The following CAPRIN1 variants were observed in gnomAD, a reference collection of about 807,000 sequenced individuals.
CAPRIN1 encodes the protein caprin-1.
In CAPRIN1, 29 loss-of-function variants were observed where a neutral mutation model predicts 100.9. That is an observed-to-expected ratio of 0.29 (90% CI 0.21 to 0.39). The LOEUF (loss-of-function observed/expected upper bound fraction) is 0.39, where lower values mean the gene tolerates loss of function less well. CAPRIN1 is among the 10% of genes least tolerant of loss of function. The probability of loss-of-function intolerance (pLI) is 1.00; values close to 1 mark genes in which losing one functional copy is unlikely to be tolerated. For missense variants in CAPRIN1, 795 were observed against 876.7 expected, an observed-to-expected ratio of 0.91 and a Z score of 1.18; for synonymous variants, 338 against 307.5, an observed-to-expected ratio of 1.10 and a Z score of -1.04.
chr11:34,057,807 C>G (rs1362097377), intron 2 of CAPRIN1, among the ~76,000 whole-genome samples: 1 of 152,132 alleles, frequency 6.6e-6, no homozygotes, highest in Non-Finnish European at 1.5e-5. Flanking sequence ...CAACCTCCCC[C>G]TCCCAGGTTC....
At chr11:34,075,754 T>C (rs905563609) in intron 4 of CAPRIN1, among the ~76,000 whole-genome samples, 2 of 152,228 alleles carry the variant, frequency 1.3e-5, no homozygotes, top group African/African-American at 4.8e-5. Flanking sequence ...TTAATTGGCC[T>C]AGGCCTTTAC....
intron 2 of CAPRIN1, chr11:34,052,996 T>G (rs953234363): frequency 8.2e-5 from 86 of 1,054,302 alleles, no homozygotes; most frequent in Admixed American, 2.3e-4. Context: ...TGAGGCCCGA[T>G]TTCTCTGACG....
intron 6 of CAPRIN1, among the ~76,000 whole-genome samples, chr11:34,076,962 T>G (rs1488211737): frequency 6.6e-6 from 1 of 152,180 alleles, no homozygotes; most frequent in African/African-American, 2.4e-5. Flanking sequence ...CTCGAACTCC[T>G]TACCACAAAT....
At chr11:34,085,651 A>G (rs1374877914) in intron 9 of CAPRIN1, among the ~76,000 whole-genome samples, 4 of 152,062 alleles carry the variant, frequency 2.6e-5, no homozygotes, top group Non-Finnish European at 5.9e-5. Context: ...TAAAAATACA[A>G]AAATTAGCCG....
chr11:34,054,306 A>G (rs1850402613), intron 2 of CAPRIN1, among the ~76,000 whole-genome samples: 3 of 152,228 alleles, frequency 2.0e-5, no homozygotes. Context: ...ACATCAAGAA[A>G]GTAACAAAAG....
intron 9 of CAPRIN1, among the ~76,000 whole-genome samples, chr11:34,084,199 C>T (rs1344795602): frequency 1.3e-5 from 2 of 151,984 alleles, no homozygotes; most frequent in Non-Finnish European, 2.9e-5. Context: ...AGTGATCTGC[C>T]CGTTTCAGCC....
intron 1 of CAPRIN1, chr11:34,052,099 T>C (rs937007741): frequency 1.3e-5 from 2 of 150,514 alleles, no homozygotes; most frequent in African/African-American, 4.9e-5. Flanking sequence ...ACCGTTGCAG[T>C]GGCCGTTGGC....
intron 2 of CAPRIN1, 59 bp downstream of exon 2, chr11:34,052,695 G>A: frequency 1.3e-6 from 2 of 1,513,378 alleles, no homozygotes; most frequent in Non-Finnish European, 1.8e-6. Flanking sequence ...CGGCCCCTCC[G>A]ACCCTGGTCG....
intron 5 of CAPRIN1, 32 bp downstream of exon 5, chr11:34,076,506 G>C: frequency 1.9e-6 from 3 of 1,606,840 alleles, no homozygotes; most frequent in Admixed American, 1.7e-5. Flanking sequence ...AGAAACTTCT[G>C]AGTATTTAAG....
intron 2 of CAPRIN1, among the ~76,000 whole-genome samples, chr11:34,063,844 A>G (rs1850630477): frequency 6.6e-6 from 1 of 152,144 alleles, no homozygotes; most frequent in Admixed American, 6.5e-5. Context: ...CTTGTTGCCC[A>G]GGCTGGAGTG....
chr11:34,061,924 C>G (rs1004878273), intron 2 of CAPRIN1, among the ~76,000 whole-genome samples: 1 of 148,616 alleles, frequency 6.7e-6, no homozygotes, highest in Non-Finnish European at 1.5e-5. Flanking sequence ...GAGCCAAGAT[C>G]GCACCACTAC....
At chr11:34,058,293 C>T (rs542101542) in intron 2 of CAPRIN1, among the ~76,000 whole-genome samples, 3 of 152,178 alleles carry the variant, frequency 2.0e-5, no homozygotes, top group East Asian at 3.9e-4. Context: ...CATGCCACCA[C>T]GCCCAGCTAA....
At chr11:34,092,078 C>T (rs1294708794) in intron 15 of CAPRIN1, 22 bp downstream of exon 15, 4 of 1,609,578 alleles carry the variant, frequency 2.5e-6, no homozygotes, top group Non-Finnish European at 3.4e-6. Context: ...AGTGTCACCT[C>T]ATTGGCTCCT....
rs7104352 is a variant in CAPRIN1 at position 34,053,113 on chromosome 11, G to A, written c.216+477G>A. ...TGCAGCCTTGGGGTCTGTCCGCTCGGTTACCATGCACTCGAGACCTGTCGA... is the reference window on the plus strand; with the variant it reads ...TGCAGCCTTGGGGTCTGTCCGCTCGATTACCATGCACTCGAGACCTGTCGA... On this transcript the variant is annotated intron_variant, in intron 2 of 18. Transcript: ENST00000341394. 12 of 998,662 alleles carry A rather than the reference G, an allele frequency of 1.2e-5. No homozygotes were observed. In the African/African-American group the frequency reaches 2.1e-4, roughly 17 times the overall value. The allele number at this position is 998,662 out of a possible 1,614,324, so 61.9% of individuals were successfully genotyped here.
rs1851464469 is a variant in CAPRIN1, at chr11:34,102,233, A to G, written c.*2866A>G. Among the ~76,000 whole-genome samples, 1 of 152,230 alleles carries G rather than the reference A, an allele frequency of 6.6e-6. No individual in the cohort carries two copies. Among genetic ancestry groups the G allele is most frequent in the South Asian group, 2.1e-4 (1 of 4,828 alleles). ...TAACTGAGGTGATGAGTTAACAACT[A>G]GTTGAGCAGTCAGCTTCCTAAGTGT... is the stretch of plus-strand genomic sequence containing the variant. On this transcript the variant is annotated 3_prime_UTR_variant, in exon 19 of 19. Coordinates refer to ENST00000341394, the MANE Select transcript of CAPRIN1 (RefSeq NM_005898.5).
intron 6 of CAPRIN1, among the ~76,000 whole-genome samples, chr11:34,078,808 C>T (rs1005936177): frequency 2.0e-5 from 3 of 152,212 alleles, no homozygotes; most frequent in Non-Finnish European, 4.4e-5. Flanking sequence ...TTCCCCTCTA[C>T]TCTTCTGGAT....
intron 4 of CAPRIN1, among the ~76,000 whole-genome samples, chr11:34,075,517 C>G (rs989097333): frequency 3.3e-5 from 5 of 152,190 alleles, no homozygotes; most frequent in Non-Finnish European, 7.3e-5. Context: ...TTTTTCTCCA[C>G]CAGCATCATC....
At chr11:34,087,540 A>T (rs1261008769) in intron 11 of CAPRIN1, among the ~76,000 whole-genome samples, 2 of 148,180 alleles carry the variant, frequency 1.3e-5, no homozygotes, top group South Asian at 4.2e-4. Context: ...TCACTGTTTT[A>T]GCCGGGATGG....
intron 2 of CAPRIN1, among the ~76,000 whole-genome samples, chr11:34,056,084 T>C (rs1350445571): frequency 6.6e-6 from 1 of 152,216 alleles, no homozygotes; most frequent in Admixed American, 6.5e-5. Context: ...TACAAATCAG[T>C]TTTGAATTCC....
Sources: gnomAD v4.1 joint callset for allele counts (sites outside exome capture counted in the v4.1 genomes callset) on GRCh38, gnomAD v4.1.1 for gene constraint, MANE v1.5 for transcripts, NCBI Gene and HGNC (gene_info 2026-07-23, HGNC 2026-07-21) for gene names.